PTPRM: variants seen among roughly 807,000 people sequenced by gnomAD.
PTPRM encodes the protein receptor-type tyrosine-protein phosphatase mu.
In PTPRM, 47 loss-of-function variants were observed where a neutral mutation model predicts 186.7. That is an observed-to-expected ratio of 0.25 (90% CI 0.20 to 0.32). The LOEUF (loss-of-function observed/expected upper bound fraction) is 0.32, where lower values mean the gene tolerates loss of function less well. Among genes scored for constraint, PTPRM ranks in the 10% least tolerant of loss-of-function variants. PTPRM has a pLI of 1.00. For missense variants in PTPRM, 1,494 were observed against 1,865.0 expected (o/e 0.80, Z 3.66); for synonymous variants, 668 against 674.9 (o/e 0.99, Z 0.16).
At chr18:7,716,819 C>T (rs1002598826) in intron 1 of PTPRM, among the ~76,000 whole-genome samples, 1 of 152,136 alleles carries the variant, frequency 6.6e-6, no homozygotes, top group African/African-American at 2.4e-5. Flanking sequence ...ATTAAAAAGT[C>T]AGGAAATAAC....
chr18:7,609,568 G>T (rs1171299188), intron 1 of PTPRM, among the ~76,000 whole-genome samples: 3 of 133,282 alleles, frequency 2.3e-5, no homozygotes, highest in African/African-American at 8.7e-5. Context: ...AAACAATTTT[G>T]TATGGAATCT....
chr18:7,877,815 GT>G (rs2048319524), intron 2 of PTPRM, among the ~76,000 whole-genome samples: 1 of 152,124 alleles, frequency 6.6e-6, no homozygotes, highest in Admixed American at 6.5e-5. Context: ...GGCACTGTTT[GT>G]TTTTGAGTTT....
At chr18:8,341,687 C>CT (rs2095475641) in intron 22 of PTPRM, among the ~76,000 whole-genome samples, 1 of 151,736 alleles carries the variant, frequency 6.6e-6, no homozygotes, top group Non-Finnish European at 1.5e-5. Flanking sequence ...GTGAAGCCCC[C>CT]CCCCCTTTGA....
At chr18:7,614,619 C>T (rs1020197323) in intron 1 of PTPRM, among the ~76,000 whole-genome samples, 3 of 152,170 alleles carry the variant, frequency 2.0e-5, no homozygotes, top group Non-Finnish European at 2.9e-5. Context: ...TGACTTTTAT[C>T]ATCCCCAACC....
intron 32 of PTPRM, among the ~76,000 whole-genome samples, chr18:8,398,769 C>CAAA (rs199873195): frequency 2.3e-4 from 19 of 84,080 alleles, no homozygotes; most frequent in South Asian, 4.5e-4. Context: ...GACTCCTTCT[C>CAAA]AAAAAAAAAA....
intron 7 of PTPRM, among the ~76,000 whole-genome samples, chr18:7,984,596 T>C (rs370363611): frequency 0.025 from 2,921 of 117,892 alleles, 97 homozygotes; most frequent in African/African-American, 0.078. Flanking sequence ...TATATATATA[T>C]ATATATACAC....
intron 1 of PTPRM, among the ~76,000 whole-genome samples, chr18:7,582,934 A>G (rs755027725): frequency 2.6e-5 from 4 of 152,192 alleles, no homozygotes; most frequent in Non-Finnish European, 5.9e-5. Flanking sequence ...TGGCTGTGCT[A>G]TTTCCTCACT....
intron 7 of PTPRM, among the ~76,000 whole-genome samples, chr18:8,034,273 T>TC (rs1269950729): frequency 2.0e-5 from 3 of 152,044 alleles, no homozygotes; most frequent in Non-Finnish European, 4.4e-5. Flanking sequence ...GTAAAATACG[T>TC]TCACCCTATC....
At chr18:8,339,210 T>C (rs539986492) in intron 22 of PTPRM, among the ~76,000 whole-genome samples, 2 of 152,180 alleles carry the variant, frequency 1.3e-5, no homozygotes, top group Admixed American at 1.3e-4. Context: ...CCCTTTTTTT[T>C]CCCTTTGGGG....
intron 2 of PTPRM, among the ~76,000 whole-genome samples, chr18:7,858,989 A>G (rs895019331): frequency 6.6e-6 from 1 of 152,210 alleles, no homozygotes; most frequent in African/African-American, 2.4e-5. Flanking sequence ...TGAATTTTAG[A>G]ACAGAGTTCC....
chr18:7,873,470 G>A (rs578236808), intron 2 of PTPRM, among the ~76,000 whole-genome samples: 2 of 152,156 alleles, frequency 1.3e-5, no homozygotes, highest in African/African-American at 4.8e-5. Context: ...AACCCTCCTG[G>A]TTATAAAATG....
chr18:8,323,382 T>C (rs949700304), intron 22 of PTPRM, among the ~76,000 whole-genome samples: 4 of 152,152 alleles, frequency 2.6e-5, no homozygotes, highest in African/African-American at 9.7e-5. Flanking sequence ...ATATGGTTAA[T>C]CCAGATCCAG....
chr18:8,070,143 G>A (rs548649908), intron 8 of PTPRM, 149 bp downstream of exon 8: 19 of 726,464 alleles, frequency 2.6e-5, no homozygotes, highest in African/African-American at 1.2e-4. Flanking sequence ...ATTCTTAAGC[G>A]CTGATTGAAA....
At chr18:8,177,537 A>G (rs1420581327) in intron 14 of PTPRM, among the ~76,000 whole-genome samples, 1 of 152,192 alleles carries the variant, frequency 6.6e-6, no homozygotes, top group African/African-American at 2.4e-5. Context: ...AGCTGCTGTG[A>G]TTGGCTAAGG....
chr18:8,328,768 AAG>A (rs1007258522), intron 22 of PTPRM, among the ~76,000 whole-genome samples: 2 of 152,220 alleles, frequency 1.3e-5, no homozygotes, highest in African/African-American at 4.8e-5. Context: ...GTGGTTTTAC[AAG>A]AGAGAATGAA....
At chr18:7,650,201 T>A (rs2038664498) in intron 1 of PTPRM, among the ~76,000 whole-genome samples, 1 of 152,104 alleles carries the variant, frequency 6.6e-6, no homozygotes, top group African/African-American at 2.4e-5. Context: ...CATTCGTAGG[T>A]TTTCATATCT....
At chr18:8,126,316 T>C (rs1432153559) in intron 13 of PTPRM, among the ~76,000 whole-genome samples, 1 of 151,710 alleles carries the variant, frequency 6.6e-6, no homozygotes, top group Non-Finnish European at 1.5e-5. Flanking sequence ...TTGACTGATT[T>C]TATGTTACTT....
chr18:8,244,016 C>T (rs750063772), intron 14 of PTPRM, 42 bp from the exon 15 acceptor site: 75 of 1,571,334 alleles, frequency 4.8e-5, no homozygotes, highest in Admixed American at 3.3e-4. Flanking sequence ...CTCTGTATCC[C>T]GTTCAAATGC....
At chr18:7,691,796 A>T (rs1426840471) in intron 1 of PTPRM, among the ~76,000 whole-genome samples, 1 of 152,326 alleles carries the variant, frequency 6.6e-6, no homozygotes, top group African/African-American at 2.4e-5. Context: ...ACAATTGGTC[A>T]TGGTGGCACA....
Sources: gnomAD v4.1 joint callset for allele counts (sites outside exome capture counted in the v4.1 genomes callset) on GRCh38, gnomAD v4.1.1 for gene constraint, MANE v1.5 for transcripts, NCBI Gene and HGNC (gene_info 2026-07-23, HGNC 2026-07-21) for gene names.